TNFAIP8L3: variants seen among roughly 807,000 people sequenced by gnomAD.
TNFAIP8L3 encodes TNF alpha induced protein 8 like 3.
A neutral mutation model predicts 11.8 loss-of-function variants in TNFAIP8L3; 7 were observed. The ratio of observed to expected loss-of-function variants is 0.59; its 90% CI spans 0.34 to 1.11. The LOEUF (loss-of-function observed/expected upper bound fraction) is 1.11. TNFAIP8L3 is among the 50% of genes most tolerant of loss of function. TNFAIP8L3 has a pLI of 0.03. For synonymous variants in TNFAIP8L3, 98 were observed against 103.8 expected (o/e 0.94, Z 0.34); for missense variants, 219 against 258.6 (o/e 0.85, Z 1.05).
upstream of TNFAIP8L3, among the ~76,000 whole-genome samples, chr15:51,099,495 A>G (rs958061634): frequency 2.6e-5 from 4 of 151,760 alleles, no homozygotes; most frequent in Non-Finnish European, 4.4e-5. Context: ...TATGGGCCCA[A>G]CCTCTGTTGT....
intron 1 of TNFAIP8L3, among the ~76,000 whole-genome samples, chr15:51,088,970 G>A (rs1435774632): frequency 6.6e-6 from 1 of 152,112 alleles, no homozygotes; most frequent in Non-Finnish European, 1.5e-5. Flanking sequence ...TAAAGACCTG[G>A]CCTCTCACCC....
At chr15:51,062,337 G>A (rs1215064147) in intron 1 of TNFAIP8L3, among the ~76,000 whole-genome samples, 1 of 152,112 alleles carries the variant, frequency 6.6e-6, no homozygotes, top group Non-Finnish European at 1.5e-5. Context: ...GCATGCACCT[G>A]TGGTCTCAGC....
At chr15:51,065,099 C>T (rs1000331832) in intron 1 of TNFAIP8L3, among the ~76,000 whole-genome samples, 1 of 152,136 alleles carries the variant, frequency 6.6e-6, no homozygotes, top group Admixed American at 6.5e-5. Flanking sequence ...TGAGAATAGA[C>T]ATAAAAATGT....
Position 51,057,455 on chromosome 15 carries a change from C to T in TNFAIP8L3, c.*426G>A. On this transcript the variant is annotated 3_prime_UTR_variant, in exon 2 of 2. Coordinates refer to ENST00000637513, the MANE Select transcript of TNFAIP8L3 (RefSeq NM_001311175.2). ...AAAGTATGAACATACATCATCTCAT[C>T]TGGTCCTCACAACAGCCCTGTGAGG... The T allele has an allele frequency of 6.2e-6, 1 of 161,404 alleles. No individual in the cohort carries two copies. Among genetic ancestry groups the T allele is most frequent in the Admixed American group, 5.9e-5 (1 of 16,974 alleles). 10.0% of individuals were successfully genotyped at this position (161,404 alleles called of 1,614,324 possible).
chr15:51,068,903 T>C (rs2065290001), intron 1 of TNFAIP8L3, among the ~76,000 whole-genome samples: 3 of 152,040 alleles, frequency 2.0e-5, no homozygotes, highest in Admixed American at 6.6e-5. Flanking sequence ...CCTGACCTCA[T>C]GATCCGCCCC....
In TNFAIP8L3 at chr15:51,094,595, T is replaced by TGCTGCGG; in HGVS notation, c.-7_-1dup. 5 of 1,484,648 alleles carry TGCTGCGG rather than the reference T, an allele frequency of 3.4e-6. 1 individual carries two copies. The highest frequency in any genetic ancestry group is 2.5e-5 in the South Asian group (2 of 78,938). 92.0% of individuals were successfully genotyped at this position (1,484,648 alleles called of 1,614,324 possible). ...CTCTGCTCCCCGGAATCCGAATCCATGCTGCGGGCTGCTGGCTGGGCGTCC... is the reference window on the plus strand; with the variant it reads ...CTCTGCTCCCCGGAATCCGAATCCATGCTGCGGGCTGCGGGCTGCTGGCTGGGCGTCC... On this transcript the variant is annotated 5_prime_UTR_variant, in exon 1 of 2. Transcript: ENST00000637513. The surrounding 1 kb of genome is among the most constrained non-coding windows in gnomAD (Gnocchi z 4.4).
chr15:51,082,154 G>C (rs1290706701), intron 1 of TNFAIP8L3, among the ~76,000 whole-genome samples: 4 of 151,716 alleles, frequency 2.6e-5, no homozygotes, highest in African/African-American at 9.7e-5. Context: ...ATGCATTAGG[G>C]GATTTTGCCA....
chr15:51,073,065 C>T (rs1031041545), intron 1 of TNFAIP8L3, among the ~76,000 whole-genome samples: 3 of 144,778 alleles, frequency 2.1e-5, no homozygotes, highest in Admixed American at 7.2e-5. Context: ...GGTGCAATCT[C>T]GGCTCACTGC....
Position 51,058,289 on chromosome 15 carries a change from G to T in TNFAIP8L3, c.207C>A (p.His69Gln). The change falls in exon 2 of 2, where the codon CAC becomes CAA. Residue 69 changes from histidine to glutamine, a missense_variant. His to Gln is a conservative substitution (Grantham distance 24). Coordinates refer to ENST00000637513, the MANE Select transcript of TNFAIP8L3 (RefSeq NM_001311175.2). ...ELYKVTKEHTHNKKEAHKIMK... is the reference protein window; with the variant it reads ...ELYKVTKEHTQNKKEAHKIMK... ...TGATCTTGTGGGCTTCCTTCTTGTT[G>T]TGTGTGTGCTCTTTGGTGACTTTGT... 6.2e-7 allele frequency: 1 copy of T among 1,614,060 alleles called. No individual in the cohort carries two copies. The highest frequency in any genetic ancestry group is 8.5e-7 in the Non-Finnish European group (1 of 1,180,016).
At chr15:51,082,096 T>C (rs1360281371) in intron 1 of TNFAIP8L3, among the ~76,000 whole-genome samples, 1 of 151,668 alleles carries the variant, frequency 6.6e-6, no homozygotes, top group Non-Finnish European at 1.5e-5. Context: ...TGAAAAAGCA[T>C]AGTCAACATA....
intron 1 of TNFAIP8L3, among the ~76,000 whole-genome samples, chr15:51,104,351 C>A (rs2065574482): frequency 6.6e-6 from 1 of 152,174 alleles, no homozygotes; most frequent in Non-Finnish European, 1.5e-5. Context: ...AGAGTTCGAG[C>A]TTTCTCAGCC....
At chr15:51,065,753 GC>G (rs1386847077) in intron 1 of TNFAIP8L3, among the ~76,000 whole-genome samples, 1 of 152,182 alleles carries the variant, frequency 6.6e-6, no homozygotes, top group Non-Finnish European at 1.5e-5. Flanking sequence ...AGTGTGGATA[GC>G]TGTGTCAAAA....
chr15:51,090,580 T>G (rs756738881), intron 1 of TNFAIP8L3, among the ~76,000 whole-genome samples: 7 of 152,214 alleles, frequency 4.6e-5, no homozygotes, highest in African/African-American at 7.2e-5. Flanking sequence ...GTGTCTTTTC[T>G]CAAGCTGTAT....
intron 1 of TNFAIP8L3, among the ~76,000 whole-genome samples, chr15:51,089,019 A>G (rs1383833265): frequency 6.6e-6 from 1 of 152,224 alleles, no homozygotes; most frequent in Non-Finnish European, 1.5e-5. Context: ...CTAGCTCCAG[A>G]GTTCCCATGG....
intron 1 of TNFAIP8L3, among the ~76,000 whole-genome samples, chr15:51,059,067 A>G (rs941438598): frequency 6.6e-6 from 1 of 152,204 alleles, no homozygotes; most frequent in Non-Finnish European, 1.5e-5. Context: ...AATTTACACA[A>G]AAGTTGTCAG....
chr15:51,087,300 G>C (rs1567294681), intron 1 of TNFAIP8L3, among the ~76,000 whole-genome samples: 1 of 152,194 alleles, frequency 6.6e-6, no homozygotes, highest in Non-Finnish European at 1.5e-5. Context: ...AGCTGCCACA[G>C]AGGCCTGCTG....
upstream of TNFAIP8L3, among the ~76,000 whole-genome samples, chr15:51,095,161 G>A (rs1467542422): frequency 6.6e-6 from 1 of 151,340 alleles, no homozygotes; most frequent in African/African-American, 2.4e-5. Context: ...CAACTCCTCC[G>A]CTCAGAGACC....
chr15:51,089,787 C>G (rs574642103), intron 1 of TNFAIP8L3, among the ~76,000 whole-genome samples: 1 of 152,210 alleles, frequency 6.6e-6, no homozygotes, highest in Non-Finnish European at 1.5e-5. Flanking sequence ...AAGCACAAGA[C>G]AAGGTCCTGA....
chr15:51,099,797 A>C (rs2065538032), upstream of TNFAIP8L3, among the ~76,000 whole-genome samples: 1 of 152,156 alleles, frequency 6.6e-6, no homozygotes, highest in Non-Finnish European at 1.5e-5. Context: ...TTCCCACAGG[A>C]GAGAAGACGG....
Sources: gnomAD v4.1 joint callset for allele counts (sites outside exome capture counted in the v4.1 genomes callset) on GRCh38, gnomAD v4.1.1 for gene constraint, Gnocchi (gnomAD v3.1) non-coding constraint, MANE v1.5 for transcripts, NCBI Gene and HGNC (gene_info 2026-07-23, HGNC 2026-07-21) for gene names.